DCUN1D1: variants seen among roughly 807,000 people sequenced by gnomAD.
DCUN1D1 encodes defective in cullin neddylation 1 domain containing 1.
DCUN1D1 carries 3 observed loss-of-function variants against 39.0 expected under a neutral mutation model. That is an observed-to-expected ratio of 0.08 (90% CI 0.04 to 0.20). The LOEUF is 0.20. Ranked by LOEUF, DCUN1D1 falls within the 10% of genes least tolerant of loss-of-function variation. The pLI is 1.00. For missense variants in DCUN1D1, 158 were observed against 302.4 expected, an observed-to-expected ratio of 0.52 and a Z score of 3.54; for synonymous variants, 82 against 96.3, an observed-to-expected ratio of 0.85 and a Z score of 0.87.
At chr3:182,979,600 T>TTTTCCC (rs58326496) in intron 1 of DCUN1D1, among the ~76,000 whole-genome samples, 40 of 137,104 alleles carry the variant, frequency 2.9e-4, no homozygotes, top group South Asian at 4.7e-4. Flanking sequence ...GAGGACTTTT[T>TTTTCCC]CCCCCCCCCA....
In DCUN1D1 at chr3:182,944,286, T is replaced by G. The variant is rs1307686302; in HGVS notation, c.*808A>C. On this transcript the variant is annotated 3_prime_UTR_variant, in exon 7 of 7. Transcript: ENST00000292782. ...GCAGATAAGCATTTCAAAAGCATAA[T>G]GAAGTCCAATTATGTAGTGCATAAT... 2.6e-5 allele frequency: 4 copies of G among 152,642 alleles called. No homozygotes were observed. Among genetic ancestry groups the G allele is most frequent in the African/African-American group, 4.8e-5 (2 of 41,460 alleles). 9.5% of individuals were successfully genotyped at this position (152,642 alleles called of 1,614,324 possible).
At chr3:182,955,459 G>A in intron 4 of DCUN1D1, 1 of 540,400 alleles carries the variant, frequency 1.9e-6, no homozygotes, top group Admixed American at 2.0e-5. Context: ...TACACGTTAT[G>A]AGATAAGAAT....
intron 1 of DCUN1D1, among the ~76,000 whole-genome samples, chr3:182,978,984 C>T (rs1276234989): frequency 6.6e-6 from 1 of 152,176 alleles, no homozygotes; most frequent in Non-Finnish European, 1.5e-5. Flanking sequence ...TCAGCTGTGG[C>T]TGAGTGTTTC....
chr3:182,964,249 A>G (rs1172575503), intron 2 of DCUN1D1, among the ~76,000 whole-genome samples, 200 bp from the exon 3 acceptor site: 1 of 152,228 alleles, frequency 6.6e-6, no homozygotes, highest in Non-Finnish European at 1.5e-5. Context: ...GTAGAGATAT[A>G]TGCAGATGAG....
intron 3 of DCUN1D1, 63 bp downstream of exon 3, chr3:182,963,818 G>GTT: frequency 1.5e-6 from 2 of 1,370,616 alleles, no homozygotes; most frequent in Non-Finnish European, 2.0e-6. Context: ...ACACTAAAAA[G>GTT]TTCATGACAT....
chr3:182,964,096 C>T (rs1172362880), intron 2 of DCUN1D1, 47 bp from the exon 3 acceptor site: 1 of 1,507,444 alleles, frequency 6.6e-7, no homozygotes, highest in South Asian at 1.2e-5. Context: ...TATTATGCTA[C>T]ATTATGAAAA....
upstream of DCUN1D1, among the ~76,000 whole-genome samples, chr3:182,983,504 T>G (rs1728625688): frequency 6.6e-6 from 1 of 152,138 alleles, no homozygotes; most frequent in Non-Finnish European, 1.5e-5. Flanking sequence ...TAACTTAAGT[T>G]CAGGAGTTCG....
intron 1 of DCUN1D1, among the ~76,000 whole-genome samples, chr3:182,972,514 C>T (rs560606158): frequency 1.8e-4 from 27 of 152,132 alleles, no homozygotes; most frequent in African/African-American, 3.9e-4. Context: ...AGGCAGCTCA[C>T]GCCTGTAATC....
upstream of DCUN1D1, among the ~76,000 whole-genome samples, chr3:182,984,511 C>T (rs1728664012): frequency 1.3e-5 from 2 of 151,916 alleles, no homozygotes; most frequent in Non-Finnish European, 2.9e-5. Context: ...TTTTCCATAG[C>T]AACAATCTCA....
upstream of DCUN1D1, among the ~76,000 whole-genome samples, chr3:182,982,196 C>T (rs1728577355): frequency 6.6e-6 from 1 of 152,194 alleles, no homozygotes; most frequent in Non-Finnish European, 1.5e-5. Flanking sequence ...ATTTCCTGTT[C>T]ATTTTCCATG....
intron 1 of DCUN1D1, among the ~76,000 whole-genome samples, chr3:182,968,561 GA>G (rs1224627429): frequency 6.6e-6 from 1 of 150,816 alleles, no homozygotes; most frequent in Non-Finnish European, 1.5e-5. Context: ...TATCTTATTT[GA>G]AAAATGTTTA....
chr3:182,956,191 T>C (rs889818589), intron 4 of DCUN1D1: 8 of 238,050 alleles, frequency 3.4e-5, no homozygotes, highest in African/African-American at 1.6e-4. Flanking sequence ...GCCTCCAAAG[T>C]GCTAGGATTA....
At chr3:182,959,440 A>C (rs73883966) in intron 4 of DCUN1D1, among the ~76,000 whole-genome samples, 2 of 149,882 alleles carry the variant, frequency 1.3e-5, no homozygotes, top group Non-Finnish European at 3.0e-5. Flanking sequence ...TTTAAAAAAT[A>C]AAGTGGAATT....
intron 4 of DCUN1D1, among the ~76,000 whole-genome samples, chr3:182,947,961 C>G (rs1726503293): frequency 6.6e-6 from 1 of 152,204 alleles, no homozygotes; most frequent in Non-Finnish European, 1.5e-5. Context: ...GTTTCTCAAC[C>G]TGGGCACTTC....
rs1171858763 is a variant in DCUN1D1 at position 182,945,226 on chromosome 3, A to C, written c.701-53T>G. 7.2e-6 allele frequency: 10 copies of C among 1,395,526 alleles called. No homozygotes were observed. The East Asian group carries it at 2.3e-4, about 32-fold the overall frequency. 86.4% of individuals were successfully genotyped at this position (1,395,526 alleles called of 1,614,324 possible). A position where few individuals can be genotyped will look rare whatever the true frequency, so the allele number is the denominator to read the frequency against. The stretch of plus-strand genomic sequence containing the variant: ...AGAGAAGGGGGAAAAAAGCAGAAAT[A>C]AGGCTAACATTTTAGTAGAATCCTT... On this transcript the variant is annotated intron_variant, in intron 6 of 6. Coordinates refer to ENST00000292782, the MANE Select transcript of DCUN1D1 (RefSeq NM_020640.4).
chr3:182,984,818 G>C (rs974310352), upstream of DCUN1D1, among the ~76,000 whole-genome samples: 1 of 152,192 alleles, frequency 6.6e-6, no homozygotes, highest in East Asian at 1.9e-4. Flanking sequence ...TTAGCAGAAA[G>C]AGCAGAAGTA....
At chr3:182,967,641 C>T (rs1727739230) in intron 1 of DCUN1D1, among the ~76,000 whole-genome samples, 1 of 152,168 alleles carries the variant, frequency 6.6e-6, no homozygotes, top group Admixed American at 6.5e-5. Flanking sequence ...TACTCTTCTG[C>T]TACTTCACTA....
chr3:182,983,836 C>T (rs1293974683), upstream of DCUN1D1, among the ~76,000 whole-genome samples: 1 of 152,170 alleles, frequency 6.6e-6, no homozygotes, highest in Non-Finnish European at 1.5e-5. Flanking sequence ...GATCTCAGTA[C>T]TCAACTCAAA....
At chr3:182,953,412 C>T (rs1726856150) in intron 4 of DCUN1D1, among the ~76,000 whole-genome samples, 1 of 152,112 alleles carries the variant, frequency 6.6e-6, no homozygotes, top group African/African-American at 2.4e-5. Flanking sequence ...GCTTAGCTAG[C>T]GAGAGGTGAT....
Sources: gnomAD v4.1 joint callset for allele counts (sites outside exome capture counted in the v4.1 genomes callset) on GRCh38, gnomAD v4.1.1 for gene constraint, MANE v1.5 for transcripts, NCBI Gene and HGNC (gene_info 2026-07-23, HGNC 2026-07-21) for gene names.